The following CABIN1 variants were observed in gnomAD, a reference collection of about 807,000 sequenced individuals.
The protein encoded by CABIN1 is calcineurin-binding protein cabin-1.
In CABIN1, 133 loss-of-function variants were observed where a neutral mutation model predicts 227.7. The observed-to-expected ratio is 0.58, with a 90% CI of 0.51 to 0.67. The LOEUF (loss-of-function observed/expected upper bound fraction) is 0.67, where lower values mean the gene tolerates loss of function less well. CABIN1 is among the 30% of genes least tolerant of loss of function. The pLI, the probability that CABIN1 is intolerant of heterozygous loss-of-function variation, is 0.00. For synonymous variants in CABIN1, 1,086 were observed against 1,155.1 expected (o/e 0.94, Z 1.21); for missense variants, 2,408 against 2,852.5 (o/e 0.84, Z 3.55).
rs2046492977 is a variant in CABIN1 at position 24,167,075 on chromosome 22, C to T, written c.5444C>T (p.Pro1815Leu). 3 of 1,544,918 alleles carry T rather than the reference C, an allele frequency of 1.9e-6. No homozygotes were observed. The highest frequency in any genetic ancestry group is 1.4e-5 in the African/African-American group (1 of 72,994). The change falls in exon 32 of 37, where the codon CCA becomes CTA. Residue 1815 changes from proline to leucine, a missense_variant. Physicochemically the swap from Pro to Leu is moderately conservative, Grantham distance 98. Transcript: ENST00000263119. ...CGGCAGCAGCCCACCCCGCTCACCC[C>T]AGCCCAGCCAGCCCCCGCCCCCGCC... Reference protein sequence around the residue: ...SARQQPTPLTPAQPAPAPAPA... With the variant: ...SARQQPTPLTLAQPAPAPAPA...
chr22:24,164,227 G>C (rs549513596), intron 29 of CABIN1, among the ~76,000 whole-genome samples, 173 bp from the exon 30 acceptor site: 2 of 152,358 alleles, frequency 1.3e-5, no homozygotes, highest in South Asian at 4.1e-4. Context: ...GAGAAGGAAG[G>C]GGGTGGGGAT....
At chr22:24,141,781 G>A (rs555456750) in intron 29 of CABIN1, among the ~76,000 whole-genome samples, 1 of 152,322 alleles carries the variant, frequency 6.6e-6, no homozygotes, top group Admixed American at 6.5e-5. Flanking sequence ...CTACTTGGCG[G>A]CTGCCACAGG....
chr22:24,158,910 C>T (rs923480936), intron 29 of CABIN1, among the ~76,000 whole-genome samples: 58 of 152,222 alleles, frequency 3.8e-4, no homozygotes, highest in African/African-American at 1.3e-3. Flanking sequence ...CTTTTCCAGC[C>T]CTCTTGGGAA....
At chr22:24,031,229 GTC>G (rs1333495410) in intron 1 of CABIN1, among the ~76,000 whole-genome samples, 2 of 152,180 alleles carry the variant, frequency 1.3e-5, no homozygotes, top group Non-Finnish European at 2.9e-5. Flanking sequence ...AGAGGCCTGT[GTC>G]TTGGCATAAG....
intron 12 of CABIN1, among the ~76,000 whole-genome samples, chr22:24,060,598 G>C (rs1311399434): frequency 1.1e-4 from 17 of 152,126 alleles, no homozygotes; most frequent in Admixed American, 1.1e-3. Context: ...AGTTGGCAAG[G>C]ACTGTGACTG....
chr22:24,124,366 C>T (rs1462836210), intron 28 of CABIN1, among the ~76,000 whole-genome samples: 7 of 152,214 alleles, frequency 4.6e-5, no homozygotes, highest in Non-Finnish European at 8.8e-5. Flanking sequence ...CTGAGGGCTC[C>T]CTGCCTGGGG....
chr22:24,108,618 C>T (rs541545629), intron 26 of CABIN1, among the ~76,000 whole-genome samples: 2 of 152,312 alleles, frequency 1.3e-5, no homozygotes, highest in East Asian at 3.9e-4. Flanking sequence ...GGGCAGTGGA[C>T]ATGGCAAAGG....
chr22:24,059,765 A>G (rs925081486), intron 11 of CABIN1, among the ~76,000 whole-genome samples, 159 bp from the exon 12 acceptor site: 1 of 152,170 alleles, frequency 6.6e-6, no homozygotes, highest in Admixed American at 6.5e-5. Flanking sequence ...CCAGGCATTG[A>G]ACCCAGTAGC....
At chr22:24,021,705 T>C (rs1970684884) in intron 1 of CABIN1, among the ~76,000 whole-genome samples, 1 of 152,166 alleles carries the variant, frequency 6.6e-6, no homozygotes, top group African/African-American at 2.4e-5. Context: ...TTTTTGTTTT[T>C]GTTTTTGTTT....
chr22:24,041,241 G>A lies in CABIN1; in HGVS notation c.313G>A (p.Asp105Asn). ...NLAQLAAQRE[D>N]LETAMEFYLE... ...GGCCCAGCTGGCAGCCCAGCGGGAG[G>A]ATCTGGAGACAGCCATGGAGTTCTA... Residue 105 changes from aspartate (D) to asparagine (N), a missense_variant, in exon 5 of 37, where the codon GAT (aspartate) becomes AAT (asparagine). By Grantham distance (23) the Asp-to-Asn change is conservative. Around this residue, in one of 3 missense-constraint regions of CABIN1, gnomAD observed 1,045 missense variants for 1,168.4 expected, o/e 0.89. Transcript: ENST00000263119. The A allele has an allele frequency of 6.2e-7, 1 of 1,614,214 alleles. No individual in the cohort carries two copies. The highest frequency in any genetic ancestry group is 8.5e-7 in the Non-Finnish European group (1 of 1,180,040).
intron 15 of CABIN1, among the ~76,000 whole-genome samples, chr22:24,065,508 C>T (rs1272476886): frequency 2.0e-5 from 3 of 151,506 alleles, no homozygotes; most frequent in Non-Finnish European, 4.4e-5. Context: ...AGAGACGCTC[C>T]TCACTTTCCA....
At chr22:24,015,156 C>T (rs973454959) in intron 1 of CABIN1, among the ~76,000 whole-genome samples, 9 of 150,578 alleles carry the variant, frequency 6.0e-5, no homozygotes, top group Admixed American at 1.3e-4. Context: ...ATCCCAGCCA[C>T]TTGGAAGGCT....
intron 29 of CABIN1, among the ~76,000 whole-genome samples, chr22:24,139,530 C>A (rs987780796): frequency 6.6e-6 from 1 of 151,014 alleles, no homozygotes; most frequent in Middle Eastern, 3.2e-3. Flanking sequence ...TGCACCACTG[C>A]GCTCCAGCCT....
At chr22:24,116,368 G>T (rs1037894265) in intron 27 of CABIN1, among the ~76,000 whole-genome samples, 10 of 152,212 alleles carry the variant, frequency 6.6e-5, no homozygotes, top group Non-Finnish European at 7.3e-5. Context: ...CCAGGCAGTG[G>T]ACACAAGGAC....
chr22:24,147,533 C>T (rs919154932), intron 29 of CABIN1, among the ~76,000 whole-genome samples: 5 of 151,160 alleles, frequency 3.3e-5, no homozygotes, highest in Admixed American at 3.3e-4. Flanking sequence ...CACTAAATCT[C>T]GACCTCCCAT....
chr22:24,041,480 T>G (rs2037368619), intron 5 of CABIN1, among the ~76,000 whole-genome samples: 1 of 152,142 alleles, frequency 6.6e-6, no homozygotes, highest in Non-Finnish European at 1.5e-5. Flanking sequence ...AGCACATGCT[T>G]GGATGCAGAG....
chr22:24,022,599 G>A (rs1398917574), intron 1 of CABIN1, among the ~76,000 whole-genome samples: 2 of 152,132 alleles, frequency 1.3e-5, no homozygotes, highest in African/African-American at 2.4e-5. Flanking sequence ...ATTTCTCTAG[G>A]ATAAATAACT....
rs2041876048 is a variant in CABIN1, at chr22:24,096,096, T to C, written c.3938+14T>C. ...AGCTTCAGAAAAGTGAGTAGCACCC[T>C]TCAGGCGACCCCTAGCAGCTTACCC... is the stretch of plus-strand genomic sequence containing the variant. On this transcript the variant is annotated intron_variant, in intron 25 of 36. Transcript: ENST00000263119. 1.2e-6 allele frequency: 2 copies of C among 1,613,812 alleles called. No homozygotes were observed. The highest frequency in any genetic ancestry group is 1.7e-6 in the Non-Finnish European group (2 of 1,179,904).
chr22:24,050,135 C>G (rs989709508), intron 7 of CABIN1, among the ~76,000 whole-genome samples: 6 of 152,194 alleles, frequency 3.9e-5, no homozygotes, highest in Non-Finnish European at 7.3e-5. Flanking sequence ...AGTGATTTAT[C>G]TTGGCGTCTA....
Sources: allele counts gnomAD v4.1 joint callset (sites outside exome capture counted in the v4.1 genomes callset), GRCh38; gene constraint gnomAD v4.1.1; regional missense constraint gnomAD v4.1.1; transcripts MANE v1.5; gene names NCBI Gene and HGNC (gene_info 2026-07-23, HGNC 2026-07-21).